MAPKAP1: variants seen among roughly 807,000 people sequenced by gnomAD.
The protein encoded by MAPKAP1 is MAPK associated protein 1.
Under a neutral mutation model 65.7 loss-of-function variants are expected in MAPKAP1, and 20 were observed. The observed-to-expected ratio is 0.30, with a 90% CI of 0.21 to 0.44. The LOEUF is 0.44. Ranked by LOEUF, MAPKAP1 falls within the 20% of genes least tolerant of loss-of-function variation. MAPKAP1 has a pLI of 1.00. For missense variants in MAPKAP1, 423 were observed against 648.0 expected (o/e 0.65, Z 3.77); for synonymous variants, 222 against 244.3 (o/e 0.91, Z 0.85).
chr9:125,582,601 C>T (rs1310100048), intron 5 of MAPKAP1, among the ~76,000 whole-genome samples: 1 of 152,154 alleles, frequency 6.6e-6, no homozygotes, highest in Non-Finnish European at 1.5e-5. Flanking sequence ...TAAACCCAGC[C>T]ATGCCACAGT....
rs142407692 is a variant in MAPKAP1 at position 125,546,962 on chromosome 9, C to T, written c.849-3794G>A. Among the ~76,000 whole-genome samples the T allele has an allele frequency of 4.6e-4, 70 of 152,244 alleles. No individual in the cohort carries two copies. The East Asian group carries it at 0.01, about 22-fold the overall frequency. The stretch of plus-strand genomic sequence containing the variant: ...TGAGAAGCAGCAGCTGCCCTTCCCA[C>T]GGCTCCTTGGGCTGTCCATGCTGGG... On this transcript the variant is annotated intron_variant, in intron 6 of 11. Transcript: ENST00000265960.
chr9:125,479,451 A>G (rs1361087470), intron 9 of MAPKAP1, among the ~76,000 whole-genome samples: 1 of 152,110 alleles, frequency 6.6e-6, no homozygotes, highest in Non-Finnish European at 1.5e-5. Flanking sequence ...GTGGTGGTGC[A>G]TGCCTATAAT....
At chr9:125,629,765 A>G (rs527305361) in intron 4 of MAPKAP1, among the ~76,000 whole-genome samples, 3 of 152,178 alleles carry the variant, frequency 2.0e-5, no homozygotes, top group Non-Finnish European at 4.4e-5. Context: ...TTTTTTTGAC[A>G]ATTTTAACTG....
intron 7 of MAPKAP1, among the ~76,000 whole-genome samples, chr9:125,521,169 C>A (rs1208823035): frequency 3.3e-5 from 5 of 152,198 alleles, no homozygotes; most frequent in Non-Finnish European, 4.4e-5. Flanking sequence ...AGAGAGTGTG[C>A]TTGAAGGCGC....
intron 4 of MAPKAP1, among the ~76,000 whole-genome samples, chr9:125,647,984 AG>A (rs1395700572): frequency 6.6e-6 from 1 of 150,908 alleles, no homozygotes; most frequent in Non-Finnish European, 1.5e-5. Flanking sequence ...AACAAGATGC[AG>A]TAACTTGCCC....
chr9:125,553,133 C>T (rs1830631746), intron 6 of MAPKAP1, among the ~76,000 whole-genome samples: 1 of 152,128 alleles, frequency 6.6e-6, no homozygotes, highest in Admixed American at 6.6e-5. Context: ...CCTCACTCCT[C>T]ATCTTCCATG....
intron 11 of MAPKAP1, among the ~76,000 whole-genome samples, chr9:125,442,280 A>C (rs1415326612): frequency 1.3e-5 from 2 of 152,084 alleles, no homozygotes; most frequent in African/African-American, 4.8e-5. Flanking sequence ...ATTTCTGCAA[A>C]TATTTTGATA....
chr9:125,634,707 G>A lies in MAPKAP1; in HGVS notation c.498+22944C>T, dbSNP rs371149661. Among the ~76,000 whole-genome samples the A allele has an allele frequency of 3.3e-5, 5 of 152,338 alleles. No homozygotes were observed. In the South Asian group the frequency reaches 6.2e-4, roughly 19 times the overall value. The stretch of plus-strand genomic sequence containing the variant: ...CTCCTTGGCATATGATCCAGACAAT[G>A]CTTGATAAAGGGTTAGAGGGGAGAT... On this transcript the variant is annotated intron_variant, in intron 4 of 11. Transcript: ENST00000265960.
chr9:125,440,864 T>C (rs1852455415), intron 11 of MAPKAP1, among the ~76,000 whole-genome samples: 1 of 152,186 alleles, frequency 6.6e-6, no homozygotes, highest in Non-Finnish European at 1.5e-5. Flanking sequence ...GATTATATTG[T>C]TTGCACACTC....
rs533688280 is a variant in MAPKAP1 at position 125,543,312 on chromosome 9, G to A, written c.849-144C>T. On this transcript the variant is annotated intron_variant, in intron 6 of 11. Coordinates refer to ENST00000265960, the MANE Select transcript of MAPKAP1 (RefSeq NM_001006617.3). ...AATGGAGTCTCGCTCTGTCACCCAG[G>A]CTGGAGTGCAGTGGTGCAATCTCGG... The A allele has an allele frequency of 7.3e-5, 44 of 602,314 alleles. No individual in the cohort carries two copies. In the African/African-American group the frequency reaches 7.8e-4, roughly 11 times the overall value. 37.3% of individuals were successfully genotyped at this position (602,314 alleles called of 1,614,324 possible). A position where few individuals can be genotyped will look rare whatever the true frequency, so the allele number is the denominator to read the frequency against.
At chr9:125,640,013 T>C (rs778764753) in intron 4 of MAPKAP1, among the ~76,000 whole-genome samples, 7 of 152,208 alleles carry the variant, frequency 4.6e-5, no homozygotes, top group Non-Finnish European at 7.3e-5. Flanking sequence ...AAGCTGGACA[T>C]AGTACTCGCT....
At chr9:125,529,193 A>G (rs71497090) in intron 7 of MAPKAP1, among the ~76,000 whole-genome samples, 36,875 of 139,496 alleles carry the variant, frequency 0.26, 6,082 homozygotes, top group Non-Finnish European at 0.37. Flanking sequence ...AAAAAAAAAA[A>G]AAAGAAAGAA....
chr9:125,509,987 TAGCTTCTTGGACTTTGTCCTATGA>T (rs1464939861), intron 7 of MAPKAP1, among the ~76,000 whole-genome samples: 20 of 152,356 alleles, frequency 1.3e-4, no homozygotes, highest in African/African-American at 4.6e-4. Flanking sequence ...TTTCTGAAAG[TAGCTTCTTGGACTTTGTCCTATGA>T]AGCCTAGCAT....
At chr9:125,593,822 G>C (rs1364105093) in intron 4 of MAPKAP1, among the ~76,000 whole-genome samples, 9 of 152,206 alleles carry the variant, frequency 5.9e-5, no homozygotes, top group Non-Finnish European at 1.0e-4. Context: ...TGGCACAAAT[G>C]CAACTCATGA....
At chr9:125,577,118 G>A (rs1254972659) in intron 5 of MAPKAP1, among the ~76,000 whole-genome samples, 3 of 151,286 alleles carry the variant, frequency 2.0e-5, no homozygotes, top group Non-Finnish European at 2.9e-5. Context: ...AGTGAGGAGC[G>A]TCTCTGCCCG....
intron 4 of MAPKAP1, among the ~76,000 whole-genome samples, chr9:125,594,856 G>A (rs376401092): frequency 1.3e-5 from 2 of 152,142 alleles, no homozygotes; most frequent in East Asian, 1.9e-4. Context: ...TGGACCCACC[G>A]GACCTACCAA....
At chr9:125,574,119 T>C (rs181225698) in intron 5 of MAPKAP1, among the ~76,000 whole-genome samples, 21 of 152,306 alleles carry the variant, frequency 1.4e-4, no homozygotes, top group African/African-American at 4.6e-4. Context: ...AAAGTGCTTT[T>C]ACCCTTGATA....
chr9:125,496,138 C>T (rs1338921808), intron 8 of MAPKAP1, among the ~76,000 whole-genome samples: 3 of 152,178 alleles, frequency 2.0e-5, no homozygotes, highest in Non-Finnish European at 4.4e-5. Context: ...AGGACTTGTA[C>T]AAGGTTACAC....
intron 5 of MAPKAP1, among the ~76,000 whole-genome samples, chr9:125,571,023 T>C (rs1831214057): frequency 1.3e-5 from 2 of 152,300 alleles, no homozygotes; most frequent in East Asian, 1.9e-4. Flanking sequence ...TTATTAAAAA[T>C]TGCATTTAAC....
Sources: gnomAD v4.1 joint callset for allele counts (sites outside exome capture counted in the v4.1 genomes callset) on GRCh38, gnomAD v4.1.1 for gene constraint, MANE v1.5 for transcripts, NCBI Gene and HGNC (gene_info 2026-07-23, HGNC 2026-07-21) for gene names.